RPTOR: variants seen among roughly 807,000 people sequenced by gnomAD.
RPTOR encodes regulatory associated protein of MTOR complex 1, also known as regulatory-associated protein of mTOR.
Under a neutral mutation model 169.9 loss-of-function variants are expected in RPTOR, and 21 were observed. The ratio of observed to expected loss-of-function variants is 0.12; its 90% CI spans 0.09 to 0.18. The LOEUF is 0.18. RPTOR is among the 10% of genes least tolerant of loss of function. The pLI is 1.00. For synonymous variants in RPTOR, 732 were observed against 753.2 expected (o/e 0.97, Z 0.46); for missense variants, 1,133 against 1,855.9 (o/e 0.61, Z 7.16).
At chr17:80,705,164 C>G (rs1274794140) in intron 3 of RPTOR, among the ~76,000 whole-genome samples, 1 of 152,284 alleles carries the variant, frequency 6.6e-6, no homozygotes, top group African/African-American at 2.4e-5. Flanking sequence ...CTGTGCGTGT[C>G]AACGCACATC....
Position 80,959,969 on chromosome 17 carries a change from G to A in RPTOR, c.3478-109G>A, listed in dbSNP as rs1248409152. On this transcript the variant is annotated intron_variant, in intron 29 of 33. Coordinates refer to ENST00000306801, the MANE Select transcript of RPTOR (RefSeq NM_020761.3). This position sits in a 1 kb window ranked among gnomAD's most constrained non-coding sequence, Gnocchi z 6.7. ...AGAAAGGCCCCTGCAGCCAGGGAGG[G>A]TGATCCCCACAGCCAGGCAGGCAGC... The A allele has an allele frequency of 7.9e-6, 11 of 1,386,280 alleles. No individual in the cohort carries two copies. Among genetic ancestry groups the A allele is most frequent in the Middle Eastern group, 2.5e-4 (1 of 4,002 alleles). 85.9% of individuals were successfully genotyped at this position (1,386,280 alleles called of 1,614,324 possible). A position where few individuals can be genotyped will look rare whatever the true frequency, so the allele number is the denominator to read the frequency against.
chr17:80,663,876 T>A (rs542085035), intron 3 of RPTOR, among the ~76,000 whole-genome samples: 1 of 152,226 alleles, frequency 6.6e-6, no homozygotes, highest in Admixed American at 6.5e-5. Context: ...TGGCCTGCCC[T>A]GCTTTGGCAC....
chr17:80,719,423 T>G (rs1198093165), intron 4 of RPTOR, among the ~76,000 whole-genome samples: 1 of 152,136 alleles, frequency 6.6e-6, no homozygotes, highest in Non-Finnish European at 1.5e-5. Flanking sequence ...GCTGAGTACA[T>G]CTTCTGCCAG....
chr17:80,779,093 G>A (rs1042518891), intron 6 of RPTOR, among the ~76,000 whole-genome samples: 5 of 152,206 alleles, frequency 3.3e-5, no homozygotes, highest in African/African-American at 1.2e-4. Flanking sequence ...ACAGCCGTGG[G>A]CTGAGATGCA....
chr17:80,842,261 T>C (rs2067679581), intron 10 of RPTOR, among the ~76,000 whole-genome samples: 1 of 152,260 alleles, frequency 6.6e-6, no homozygotes, highest in Non-Finnish European at 1.5e-5. Context: ...GATATCTTCT[T>C]CAGTATGGAT....
chr17:80,615,758 ATTC>A (rs2065304844), intron 1 of RPTOR, among the ~76,000 whole-genome samples: 1 of 151,280 alleles, frequency 6.6e-6, no homozygotes, highest in Non-Finnish European at 1.5e-5. Context: ...CCCTTCCTCC[ATTC>A]TTTTTCTTCC....
intron 20 of RPTOR, among the ~76,000 whole-genome samples, chr17:80,904,939 C>T (rs1009902420): frequency 6.6e-6 from 1 of 152,140 alleles, no homozygotes; most frequent in African/African-American, 2.4e-5. Context: ...CCTGTTGAGT[C>T]GCAAACAGTA....
At position 80,947,317 on chromosome 17, in the gene RPTOR, C is replaced by T. The variant is rs4969231; in HGVS notation, c.3231C>T (p.Asn1077=). ...GGGTCACTGCCATGGAGTATCTGAACGGCCAGGACTGCTCGCTTCTGCTGA... is the reference window on the plus strand; with the variant it reads ...GGGTCACTGCCATGGAGTATCTGAATGGCCAGGACTGCTCGCTTCTGCTGA... ...YTRVTAMEYL[N]GQDCSLLLTA... Residue 1077 remains asparagine, a synonymous_variant, in exon 27 of 34, where the codon AAC becomes AAT. Transcript: ENST00000306801. The surrounding 1 kb of genome is among the most constrained non-coding windows in gnomAD (Gnocchi z 4.4). 0.29 allele frequency: 456,937 copies of T among 1,592,952 alleles called. 68,676 individuals carry two copies. Among genetic ancestry groups the T allele is most frequent in the Middle Eastern group, 0.32 (1,935 of 5,958 alleles).
At chr17:80,963,229 C>G (rs1489957962) in intron 33 of RPTOR, among the ~76,000 whole-genome samples, 172 bp downstream of exon 33, 3 of 152,238 alleles carry the variant, frequency 2.0e-5, no homozygotes, top group African/African-American at 7.2e-5. Context: ...GCCCCTGCCC[C>G]ACCCTGCACT....
In RPTOR at chr17:80,892,774, G is replaced by A; in HGVS notation, c.2147G>A (p.Arg716Lys). ...GTGCGAGACAGCCCGTGCACCCCCAGACTTCGTTCTGTGAGCTCCTATGGA... is the reference window on the plus strand; with the variant it reads ...GTGCGAGACAGCCCGTGCACCCCCAAACTTCGTTCTGTGAGCTCCTATGGA... ...TPVRDSPCTP[R>K]LRSVSSYGNI... Residue 716 changes from arginine (R) to lysine (K), a missense_variant, in exon 19 of 34, where the codon AGA becomes AAA. By Grantham distance (26) the Arg-to-Lys change is conservative. Around this residue, in one of 9 missense-constraint regions of RPTOR, gnomAD observed 150 missense variants for 206.4 expected, o/e 0.73. Transcript: ENST00000306801. 6.2e-7 allele frequency: 1 copy of A among 1,614,202 alleles called. No individual in the cohort carries two copies. Among genetic ancestry groups the A allele is most frequent in the Non-Finnish European group, 8.5e-7 (1 of 1,180,032 alleles).
chr17:80,815,555 A>G (rs1040087665), intron 7 of RPTOR, among the ~76,000 whole-genome samples: 46 of 152,224 alleles, frequency 3.0e-4, no homozygotes, highest in African/African-American at 9.4e-4. Flanking sequence ...GGGAAGTGAC[A>G]TGGCCCAGGC....
At chr17:80,836,948 G>A (rs1276576669) in intron 9 of RPTOR, among the ~76,000 whole-genome samples, 4 of 152,240 alleles carry the variant, frequency 2.6e-5, no homozygotes, top group East Asian at 1.9e-4. Context: ...TTTAAATAGC[G>A]TCTGGGGGTG....
chr17:80,623,254 T>C (rs62068310), intron 1 of RPTOR, among the ~76,000 whole-genome samples: 48,833 of 152,094 alleles, frequency 0.32, 8,079 homozygotes, highest in African/African-American at 0.39. Context: ...TCTTAGATAA[T>C]ATAGCTGTAT....
intron 1 of RPTOR, among the ~76,000 whole-genome samples, chr17:80,587,652 C>A (rs546809762): frequency 6.6e-6 from 1 of 152,076 alleles, no homozygotes; most frequent in Non-Finnish European, 1.5e-5. Context: ...ATTTACTTCC[C>A]CCTGGCCCCG....
intron 24 of RPTOR, among the ~76,000 whole-genome samples, chr17:80,934,488 A>T (rs2068933054): frequency 1.3e-5 from 2 of 152,108 alleles, no homozygotes; most frequent in Non-Finnish European, 2.9e-5. Context: ...CCTCCCCAGG[A>T]GCTGGGACTA....
chr17:80,921,787 C>G (rs1042681836), intron 21 of RPTOR, among the ~76,000 whole-genome samples: 1 of 152,122 alleles, frequency 6.6e-6, no homozygotes, highest in African/African-American at 2.4e-5. Context: ...CAGCTGTGCA[C>G]CACCCTGCTC....
At chr17:80,774,803 G>A (rs2066877928) in intron 6 of RPTOR, among the ~76,000 whole-genome samples, 1 of 152,230 alleles carries the variant, frequency 6.6e-6, no homozygotes, top group Non-Finnish European at 1.5e-5. Context: ...GGGACCGTAA[G>A]ATGCCACAGA....
At chr17:80,834,156 C>T (rs1003891482) in intron 9 of RPTOR, among the ~76,000 whole-genome samples, 4 of 152,204 alleles carry the variant, frequency 2.6e-5, no homozygotes, top group African/African-American at 4.8e-5. Flanking sequence ...CCAGTACCTC[C>T]GTCTTCCCTG....
In RPTOR at chr17:80,884,994, C is replaced by G; in HGVS notation, c.1843-14C>G. 6.2e-7 allele frequency: 1 copy of G among 1,604,752 alleles called. No individual in the cohort carries two copies. ...CGGTGTGGGACATGCCTGTGACCCC[C>G]CGCCGCCTTGCAGGTCCGCTGCGCA... On this transcript the variant is annotated splice_polypyrimidine_tract_variant and intron_variant, in intron 16 of 33. Transcript: ENST00000306801.
Sources: gnomAD v4.1 joint callset for allele counts (sites outside exome capture counted in the v4.1 genomes callset) on GRCh38, gnomAD v4.1.1 for gene constraint, gnomAD v4.1.1 regional missense constraint, Gnocchi (gnomAD v3.1) non-coding constraint, MANE v1.5 for transcripts, NCBI Gene and HGNC (gene_info 2026-07-23, HGNC 2026-07-21) for gene names.